The following HECW1 variants were observed in gnomAD, a reference collection of about 807,000 sequenced individuals.
The protein encoded by HECW1 is E3 ubiquitin-protein ligase HECW1.
HECW1 carries 61 observed loss-of-function variants against 182.3 expected under a neutral mutation model. The observed-to-expected ratio is 0.33, with a 90% CI of 0.27 to 0.41. HECW1 has a LOEUF of 0.41. Ranked by LOEUF, HECW1 falls within the 10% of genes least tolerant of loss-of-function variation. The probability of loss-of-function intolerance (pLI) is 1.00; values close to 1 mark genes in which losing one functional copy is unlikely to be tolerated. For synonymous variants in HECW1, 859 were observed against 832.6 expected (o/e 1.03, Z -0.55); for missense variants, 1,739 against 2,108.9 (o/e 0.82, Z 3.44).
At position 43,342,407 on chromosome 7, in the gene HECW1, G is replaced by T. The variant is rs891632834; in HGVS notation, c.461-18479G>T. 1.1e-4 allele frequency among the ~76,000 whole-genome samples: 16 copies of T among 151,696 alleles called. 2 individuals are homozygous for T. The highest frequency in any genetic ancestry group is 3.9e-4 in the African/African-American group (16 of 41,016). On this transcript the variant is annotated intron_variant, in intron 5 of 29. Transcript: ENST00000395891. ...TACAAATGGATATACTGCCATATAGGATAGACTGGCAGGACTCAAGGTTTT... is the reference window on the plus strand; with the variant it reads ...TACAAATGGATATACTGCCATATAGTATAGACTGGCAGGACTCAAGGTTTT...
intron 5 of HECW1, among the ~76,000 whole-genome samples, chr7:43,353,219 C>G (rs1366500002): frequency 1.3e-5 from 2 of 151,942 alleles, no homozygotes; most frequent in Non-Finnish European, 2.9e-5. Flanking sequence ...TTGTAGCCCA[C>G]CCCTAAATAA....
chr7:43,202,353 C>T (rs935933428), intron 2 of HECW1, among the ~76,000 whole-genome samples: 5 of 152,136 alleles, frequency 3.3e-5, no homozygotes, highest in Non-Finnish European at 4.4e-5. Flanking sequence ...AAAAACATGA[C>T]ATCAATAATG....
chr7:43,509,207 G>C (rs1432338954), intron 24 of HECW1, 86 bp downstream of exon 24: 3 of 1,396,272 alleles, frequency 2.1e-6, no homozygotes, highest in Non-Finnish European at 3.0e-6. Context: ...AAAGGCCACT[G>C]TGTTTAGAGC....
chr7:43,130,714 A>G (rs1158109226), intron 2 of HECW1, among the ~76,000 whole-genome samples: 4 of 152,208 alleles, frequency 2.6e-5, no homozygotes, highest in Non-Finnish European at 2.9e-5. Context: ...GGCTGGATCA[A>G]TTGTGTGTGG....
intron 3 of HECW1, among the ~76,000 whole-genome samples, chr7:43,295,349 A>G (rs1393954674): frequency 1.3e-5 from 2 of 152,152 alleles, no homozygotes; most frequent in African/African-American, 4.8e-5. Context: ...TTATTTAGGA[A>G]TAGAATAGGA....
chr7:43,188,869 G>A (rs965250402), intron 2 of HECW1, among the ~76,000 whole-genome samples: 1 of 152,136 alleles, frequency 6.6e-6, no homozygotes, highest in African/African-American at 2.4e-5. Flanking sequence ...TGTCATTGGG[G>A]TTAGAAACAA....
intron 2 of HECW1, among the ~76,000 whole-genome samples, chr7:43,199,377 A>G (rs1204887944): frequency 6.6e-6 from 1 of 152,264 alleles, no homozygotes; most frequent in Non-Finnish European, 1.5e-5. Context: ...ATGGAATCTG[A>G]ATATTATAGA....
intron 2 of HECW1, among the ~76,000 whole-genome samples, chr7:43,147,883 T>C (rs1788888700): frequency 6.6e-6 from 1 of 152,252 alleles, no homozygotes; most frequent in Non-Finnish European, 1.5e-5. Flanking sequence ...TACTAAACTT[T>C]ATATCCCTAA....
intron 7 of HECW1, among the ~76,000 whole-genome samples, chr7:43,400,228 C>T (rs1469574757): frequency 6.6e-6 from 1 of 152,084 alleles, no homozygotes; most frequent in African/African-American, 2.4e-5. Context: ...AGAGCAAGAC[C>T]CTGCTTCAAA....
At position 43,255,201 on chromosome 7, in the gene HECW1, T is replaced by C. The variant is rs564866026; in HGVS notation, c.27+11269T>C. 2.6e-5 allele frequency among the ~76,000 whole-genome samples: 4 copies of C among 152,292 alleles called. No individual in the cohort carries two copies. The East Asian group carries it at 5.8e-4, about 22-fold the overall frequency. On this transcript the variant is annotated intron_variant, in intron 3 of 29. Transcript: ENST00000395891. The stretch of plus-strand genomic sequence containing the variant: ...CTAATACCTCATCTGGAATTCTACT[T>C]CCAAGCAAAAGAGTTTGAAATAAAA...
At chr7:43,335,946 CTT>C (rs1812103613) in intron 5 of HECW1, among the ~76,000 whole-genome samples, 1 of 145,276 alleles carries the variant, frequency 6.9e-6, no homozygotes. Context: ...TTCTTTCTTT[CTT>C]TCTCTCTCCT....
At chr7:43,476,783 A>G (rs1210268027) in intron 16 of HECW1, among the ~76,000 whole-genome samples, 1 of 152,166 alleles carries the variant, frequency 6.6e-6, no homozygotes, top group Admixed American at 6.5e-5. Flanking sequence ...AATAAGTTTC[A>G]GAAAGGTAAA....
intron 5 of HECW1, among the ~76,000 whole-genome samples, chr7:43,334,584 T>C (rs980396420): frequency 2.8e-4 from 43 of 152,172 alleles, no homozygotes; most frequent in African/African-American, 9.7e-4. Context: ...CAGAACCTGG[T>C]ACATATTTAG....
chr7:43,198,028 A>G (rs573028062), intron 2 of HECW1, among the ~76,000 whole-genome samples: 13 of 151,444 alleles, frequency 8.6e-5, no homozygotes, highest in African/African-American at 2.9e-4. Context: ...CACTCCAACA[A>G]CCTACACATA....
intron 2 of HECW1, among the ~76,000 whole-genome samples, chr7:43,219,665 AG>A (rs201962425): frequency 2.1e-5 from 3 of 145,182 alleles, no homozygotes; most frequent in African/African-American, 8.6e-5. Context: ...AGAACAGAAC[AG>A]GACAGGGATT....
chr7:43,284,268 G>T (rs1235733721), intron 3 of HECW1, among the ~76,000 whole-genome samples: 1 of 152,130 alleles, frequency 6.6e-6, no homozygotes, highest in African/African-American at 2.4e-5. Context: ...TCATGTACAT[G>T]TTGTTTTGAA....
intron 4 of HECW1, among the ~76,000 whole-genome samples, chr7:43,313,712 G>A (rs1808832049): frequency 1.3e-5 from 2 of 152,274 alleles, no homozygotes; most frequent in South Asian, 2.1e-4. Flanking sequence ...GAAGTTTCAA[G>A]TTGAAACACA....
intron 13 of HECW1, among the ~76,000 whole-genome samples, chr7:43,461,752 C>T (rs1163353702): frequency 6.6e-6 from 1 of 152,158 alleles, no homozygotes; most frequent in African/African-American, 2.4e-5. Context: ...CAGCTCATTG[C>T]CCCCTTCCAC....
At chr7:43,280,109 G>A (rs1364945900) in intron 3 of HECW1, among the ~76,000 whole-genome samples, 1 of 152,180 alleles carries the variant, frequency 6.6e-6, no homozygotes, top group Non-Finnish European at 1.5e-5. Context: ...ATAAATCTCT[G>A]TCCCAGATGC....
Sources: allele counts gnomAD v4.1 joint callset (sites outside exome capture counted in the v4.1 genomes callset), GRCh38; gene constraint gnomAD v4.1.1; transcripts MANE v1.5; gene names NCBI Gene and HGNC (gene_info 2026-07-23, HGNC 2026-07-21).